Variants in MGAT4B observed in about 807,000 individuals in gnomAD.
MGAT4B encodes N-acetylglucosaminyltransferase IVb.
MGAT4B carries 38 observed loss-of-function variants against 73.9 expected under a neutral mutation model. The observed-to-expected ratio is 0.51, with a 90% CI of 0.40 to 0.67. The LOEUF is 0.67. Among genes scored for constraint, MGAT4B ranks in the 30% least tolerant of loss-of-function variants. The pLI is 0.00. For missense variants in MGAT4B, 686 were observed against 735.2 expected (o/e 0.93, Z 0.77); for synonymous variants, 373 against 313.5 (o/e 1.19, Z -2.01).
chr5:179,798,294 GTGAGA>G lies in MGAT4B; in HGVS notation c.1511-22_1511-18del. The stretch of plus-strand genomic sequence containing the variant: ...AGAAGGAGCCTGTGGGAGGGCAGTG[GTGAGA>G]GGGTGTCCCTGAACCCCAGCCCACG... On this transcript the variant is annotated intron_variant, in intron 13 of 14. Coordinates refer to ENST00000292591, the MANE Select transcript of MGAT4B (RefSeq NM_014275.5). 1 of 1,612,850 alleles carries G rather than the reference GTGAGA, an allele frequency of 6.2e-7. No homozygotes were observed. The highest frequency in any genetic ancestry group is 8.5e-7 in the Non-Finnish European group (1 of 1,179,822).
chr5:179,802,343 T>C, intron 1 of MGAT4B: 5 of 1,336,022 alleles, frequency 3.7e-6, no homozygotes, highest in Non-Finnish European at 4.8e-6. Context: ...CTCTTGCTTT[T>C]TGCAGCACAC....
Position 179,799,963 on chromosome 5 carries a change from C to A in MGAT4B, c.901G>T (p.Gly301Cys). ...AAGGGGAGGGGCACACCAATGAAGC[C>A]CAGCTGGGAGAACTCCAGGATCATC... is the stretch of plus-strand genomic sequence containing the variant. ...DWMILEFSQL[G>C]FIGKMFKSLD... Residue 301 changes from glycine (G) to cysteine (C), a missense_variant, in exon 8 of 15, where the codon GGC becomes TGC. Physicochemically the swap from Gly to Cys is radical, Grantham distance 159 (BLOSUM62 -3). Coordinates refer to ENST00000292591, the MANE Select transcript of MGAT4B (RefSeq NM_014275.5). The A allele has an allele frequency of 6.2e-7, 1 of 1,613,662 alleles. No homozygotes were observed. Among genetic ancestry groups the A allele is most frequent in the Non-Finnish European group, 8.5e-7 (1 of 1,179,802 alleles).
chr5:179,800,328 G>A lies in MGAT4B; in HGVS notation c.720-69C>T, dbSNP rs879659554. On this transcript the variant is annotated intron_variant, in intron 6 of 14. Transcript: ENST00000292591. ...TCCATTGTGGCTCCGCAGAGAAGCC[G>A]CTGGGTGGGCAGCTTCTGTCCCCCC... The A allele has an allele frequency of 3.0e-5, 47 of 1,563,464 alleles. No individual in the cohort carries two copies. In the African/African-American group the frequency reaches 3.4e-4, roughly 11 times the overall value.
In MGAT4B at chr5:179,800,041, T is replaced by C; in HGVS notation, c.823A>G (p.Asn275Asp). Residue 275 changes from asparagine to aspartate, a missense_variant, in exon 8 of 15, where the codon AAC becomes GAC. Coordinates refer to ENST00000292591, the MANE Select transcript of MGAT4B (RefSeq NM_014275.5). ...AAGTTCTTCATGGTGCTCAGGTAGT[T>C]GGGCTTGGCCACGATGTCATCCTCC... ...QLEDDIVAKP[N>D]YLSTMKNFAL... 1.2e-6 allele frequency: 2 copies of C among 1,614,012 alleles called. No homozygotes were observed. Among genetic ancestry groups the C allele is most frequent in the South Asian group, 2.2e-5 (2 of 91,080 alleles).
chr5:179,799,132 G>A lies in MGAT4B; in HGVS notation c.1150-11C>T, dbSNP rs1756791722. 1.2e-6 allele frequency: 2 copies of A among 1,614,004 alleles called. No individual in the cohort carries two copies. The highest frequency in any genetic ancestry group is 2.2e-5 in the South Asian group (2 of 91,090). ...TCCAAAGTCTTTGTCCTGCAGCGGA[G>A]GAGGGACAGCAGTGATGGCGTGGGC... On this transcript the variant is annotated splice_polypyrimidine_tract_variant and intron_variant, in intron 10 of 14. Coordinates refer to ENST00000292591, the MANE Select transcript of MGAT4B (RefSeq NM_014275.5).
chr5:179,801,892 T>C lies in MGAT4B; in HGVS notation c.175A>G (p.Lys59Glu). The C allele has an allele frequency of 6.2e-7, 1 of 1,613,158 alleles. No homozygotes were observed. The highest frequency in any genetic ancestry group is 8.5e-7 in the Non-Finnish European group (1 of 1,179,746). The change falls in exon 2 of 15, where the codon AAG becomes GAG. Residue 59 changes from lysine (K) to glutamate (E), a missense_variant. By Grantham distance (56) the Lys-to-Glu change is moderately conservative. Transcript: ENST00000292591. This position sits in a 1 kb window ranked among gnomAD's most constrained non-coding sequence, Gnocchi z 4.8. ...RLHAAEQESL[K>E]RSKELNLVLD... Reference sequence around the variant, plus strand: ...ACCAGGTTGAGCTCCTTGGAGCGCTTGAGGCTCTCCTGCTCAGCTGCGTGC... The same window carrying C: ...ACCAGGTTGAGCTCCTTGGAGCGCTCGAGGCTCTCCTGCTCAGCTGCGTGC...
In MGAT4B at chr5:179,797,812, G is replaced by A. The variant is rs1365442844; in HGVS notation, c.*233C>T. On this transcript the variant is annotated 3_prime_UTR_variant, in exon 15 of 15. Transcript: ENST00000292591. ...GGGCAGGCCGGGTGCGAACGGTTCC[G>A]GGCCTCAGGCACAGTGTGGGGGCCG... is the stretch of plus-strand genomic sequence containing the variant. The A allele has an allele frequency of 9.4e-6, 5 of 531,494 alleles. No individual in the cohort carries two copies. The highest frequency in any genetic ancestry group is 6.1e-5 in the African/African-American group (3 of 49,054). The allele number at this position is 531,494 out of a possible 1,614,324, so 32.9% of individuals were successfully genotyped here.
chr5:179,800,328 G>T, intron 6 of MGAT4B, 69 bp from the exon 7 acceptor site: 1 of 1,563,582 alleles, frequency 6.4e-7, no homozygotes, highest in Non-Finnish European at 8.8e-7. Context: ...CAGAGAAGCC[G>T]CTGGGTGGGC....
intron 1 of MGAT4B, 154 bp from the exon 2 acceptor site, chr5:179,802,123 CT>C: frequency 6.5e-7 from 1 of 1,533,514 alleles, no homozygotes; most frequent in East Asian, 2.3e-5. Context: ...GCTGGGGTCA[CT>C]CTAAAATTAC....
intron 11 of MGAT4B, 129 bp from the exon 12 acceptor site, chr5:179,798,720 C>A (rs1000000759): frequency 2.6e-6 from 3 of 1,161,386 alleles, no homozygotes; most frequent in Non-Finnish European, 3.7e-6. Context: ...TGCAAAGAGA[C>A]CAGGGCCTTC....
At position 179,806,569 on chromosome 5, in the gene MGAT4B, A is replaced by C; in HGVS notation, c.15T>G (p.Asn5Lys). Reference protein sequence around the residue: MRLRNGTFLTLLLFC... With the variant: MRLRKGTFLTLLLFC... ...AGAGCAGCAGCGTCAGGAAGGTGCC[A>C]TTGCGGAGCCTCATCTCCTCGGGTG... Residue 5 changes from asparagine to lysine, a missense_variant, in exon 1 of 15, where the codon AAT (asparagine) becomes AAG (lysine). Asn to Lys is a moderately conservative substitution (Grantham distance 94). Transcript: ENST00000292591. This position sits in a 1 kb window ranked among gnomAD's most constrained non-coding sequence, Gnocchi z 4.6. 7.7e-7 allele frequency: 1 copy of C among 1,294,700 alleles called. No individual in the cohort carries two copies. The highest frequency in any genetic ancestry group is 1.0e-6 in the Non-Finnish European group (1 of 993,708). 80.2% of individuals were successfully genotyped at this position (1,294,700 alleles called of 1,614,324 possible). A position where few individuals can be genotyped will look rare whatever the true frequency, so the allele number is the denominator to read the frequency against.
rs749690021 is a variant in MGAT4B at position 179,802,241 on chromosome 5, A to G, written c.98-272T>C. ...CTCTGAGAAGGCATCTGAAGTGGAA[A>G]TACGATTTCCAGACCTAGGTAGGTG... is the stretch of plus-strand genomic sequence containing the variant. On this transcript the variant is annotated intron_variant, in intron 1 of 14. Coordinates refer to ENST00000292591, the MANE Select transcript of MGAT4B (RefSeq NM_014275.5). 2.8e-5 allele frequency: 40 copies of G among 1,430,324 alleles called. 1 individual carries two copies. The highest frequency in any genetic ancestry group is 1.8e-4 in the Admixed American group (6 of 32,714). The allele number at this position is 1,430,324 out of a possible 1,614,324, so 88.6% of individuals were successfully genotyped here. A position where few individuals can be genotyped will look rare whatever the true frequency, so the allele number is the denominator to read the frequency against.
chr5:179,801,388 G>C lies in MGAT4B; in HGVS notation c.504C>G (p.Ser168=). 1 of 1,612,792 alleles carries C rather than the reference G, an allele frequency of 6.2e-7. No homozygotes were observed. Among genetic ancestry groups the C allele is most frequent in the Non-Finnish European group, 8.5e-7 (1 of 1,179,600 alleles). The change falls in exon 4 of 15, where the codon TCC becomes TCG. Residue 168 remains serine (S), a synonymous_variant. Coordinates refer to ENST00000292591, the MANE Select transcript of MGAT4B (RefSeq NM_014275.5). The surrounding 1 kb of genome is among the most constrained non-coding windows in gnomAD (Gnocchi z 4.8). ...CCTCCTTCTCCTGCGGGCTCAGCTC[G>C]GAGATGAGCGAGTGCAGAGTGTCAG... ...YLTDTLHSLI[S]ELSPQEKEDS...
rs1267562736 is a variant in MGAT4B at position 179,806,707 on chromosome 5, G to GGGGCGGGGGGCCCGGGGCC, written c.-143_-125dup. The GGGGCGGGGGGCCCGGGGCC allele has an allele frequency of 5.0e-6, 1 of 200,876 alleles. No homozygotes were observed. The highest frequency in any genetic ancestry group is 1.9e-4 in the East Asian group (1 of 5,168). The allele number at this position is 200,876 out of a possible 1,614,324, so 12.4% of individuals were successfully genotyped here. On this transcript the variant is annotated 5_prime_UTR_variant, in exon 1 of 15. Transcript: ENST00000292591. The surrounding 1 kb of genome is among the most constrained non-coding windows in gnomAD (Gnocchi z 4.6). ...AGGGGCCCCGGCCCCGGGTCGGGGA[G>GGGGCGGGGGGCCCGGGGCC]GGGCGGGGGGCCCGGGGCCGGGCGG...
intron 1 of MGAT4B, among the ~76,000 whole-genome samples, chr5:179,805,893 C>T (rs1294624767): frequency 1.3e-5 from 2 of 152,090 alleles, no homozygotes; most frequent in African/African-American, 4.8e-5. Flanking sequence ...AGGGCGGGGG[C>T]CAGCCCGGGA....
intron 1 of MGAT4B, chr5:179,804,907 G>GA (rs1188483706): frequency 5.3e-5 from 8 of 152,158 alleles, no homozygotes; most frequent in Non-Finnish European, 8.8e-5. Flanking sequence ...ACAGCCCCTC[G>GA]ACAAGGGAGG....
Position 179,800,228 on chromosome 5 carries a change from A to G in MGAT4B, c.751T>C (p.Phe251Leu), listed in dbSNP as rs756424589. 1.2e-6 allele frequency: 2 copies of G among 1,613,472 alleles called. No individual in the cohort carries two copies. Among genetic ancestry groups the G allele is most frequent in the East Asian group, 2.2e-5 (1 of 44,866 alleles). The change falls in exon 7 of 15, where the codon TTC (phenylalanine) becomes CTC (leucine). Residue 251 changes from phenylalanine to leucine, a missense_variant. Phe to Leu is a conservative substitution (Grantham distance 22). Around this residue, in one of 2 missense-constraint regions of MGAT4B, gnomAD observed 449 missense variants for 536.8 expected, o/e 0.84. Transcript: ENST00000292591. ...WRTKQNLDYC[F>L]LMMYAQSKGI... Reference sequence around the variant, plus strand: ...TTGGACTGCGCGTACATCATGAGGAAGCAGTAATCGAGGTTCTGTTTGGTC... The same window carrying G: ...TTGGACTGCGCGTACATCATGAGGAGGCAGTAATCGAGGTTCTGTTTGGTC...
Position 179,799,517 on chromosome 5 carries a change from C to G in MGAT4B, c.1030G>C (p.Glu344Gln). 6.2e-7 allele frequency: 1 copy of G among 1,613,910 alleles called. No individual in the cohort carries two copies. The highest frequency in any genetic ancestry group is 8.5e-7 in the Non-Finnish European group (1 of 1,180,004). Residue 344 changes from glutamate (E) to glutamine (Q), a missense_variant, in exon 9 of 15, where the codon GAG becomes CAG. By Grantham distance (29) the Glu-to-Gln change is conservative. Transcript: ENST00000292591. ...HILWVKVCNP[E>Q]KDAKHCDRQK... ...CAGCTCTTGCTCACCGCATCCTTCT[C>G]GGGGTTGCAGACTTTCACCCACAGA... is the stretch of plus-strand genomic sequence containing the variant.
rs1756866215 is a variant in MGAT4B, at chr5:179,800,466, T to C, written c.719+18A>G. 1 of 1,546,590 alleles carries C rather than the reference T, an allele frequency of 6.5e-7. No homozygotes were observed. The highest frequency in any genetic ancestry group is 8.9e-7 in the Non-Finnish European group (1 of 1,127,248). On this transcript the variant is annotated intron_variant, in intron 6 of 14. Transcript: ENST00000292591. ...ACAGGCAGGCGGGTTGCTGAGGGTATGGGGGAGTAACTAGTACCTGACTCT... is the reference window on the plus strand; with the variant it reads ...ACAGGCAGGCGGGTTGCTGAGGGTACGGGGGAGTAACTAGTACCTGACTCT...
Sources: allele counts gnomAD v4.1 joint callset (sites outside exome capture counted in the v4.1 genomes callset), GRCh38; gene constraint gnomAD v4.1.1; regional missense constraint gnomAD v4.1.1; non-coding constraint Gnocchi (gnomAD v3.1); transcripts MANE v1.5; gene names NCBI Gene and HGNC (gene_info 2026-07-23, HGNC 2026-07-21).